The following XNDC1N variants were observed in gnomAD, a reference collection of about 807,000 sequenced individuals.
The protein encoded by XNDC1N is protein XNDC1N.
chr11:71,910,478 G>A, the XNDC1N span, among the ~76,000 whole-genome samples: 168 of 152,280 alleles, frequency 1.1e-3, no homozygotes, highest in Admixed American at 2.0e-3. Context: ...TCGGGGAGGC[G>A]TGGGCTCGAG....
chr11:71,919,642 G>C, the XNDC1N span, among the ~76,000 whole-genome samples: 1 of 126,626 alleles, frequency 7.9e-6, no homozygotes, highest in Non-Finnish European at 1.6e-5. Context: ...TTTTGAGACA[G>C]AGTCTCACTC....
the XNDC1N span, among the ~76,000 whole-genome samples, chr11:71,885,804 T>G: frequency 6.6e-6 from 1 of 151,962 alleles, no homozygotes; most frequent in East Asian, 1.9e-4. Context: ...TCTTAGGAGC[T>G]AATATTACTG....
chr11:71,921,922 G>A, the XNDC1N span, among the ~76,000 whole-genome samples: 2 of 152,256 alleles, frequency 1.3e-5, no homozygotes, highest in Admixed American at 6.5e-5. Flanking sequence ...AGCACTCTGG[G>A]AGACCAAGGC....
chr11:71,888,417 C>G, the XNDC1N span, among the ~76,000 whole-genome samples: 41 of 152,120 alleles, frequency 2.7e-4, no homozygotes, highest in African/African-American at 9.2e-4. Context: ...GGGCGGGGAC[C>G]GGGAAACTTT....
At chr11:71,889,169 C>T in the XNDC1N span, among the ~76,000 whole-genome samples, 24 of 152,226 alleles carry the variant, frequency 1.6e-4, no homozygotes, top group Non-Finnish European at 3.4e-4. Flanking sequence ...AACATTTACA[C>T]TGATTCTAGG....
the XNDC1N span, among the ~76,000 whole-genome samples, chr11:71,924,407 G>A: frequency 1.6e-4 from 24 of 152,076 alleles, no homozygotes; most frequent in Non-Finnish European, 2.5e-4. Context: ...GACCGGGCGC[G>A]GTGGCTTATG....
At chr11:71,899,114 G>A in the XNDC1N span, among the ~76,000 whole-genome samples, 1 of 152,108 alleles carries the variant, frequency 6.6e-6, no homozygotes, top group Admixed American at 6.5e-5. Context: ...TGGGGAACTT[G>A]GGTGACTTTG....
At chr11:71,884,477 T>C in the XNDC1N span, 1 of 1,610,486 alleles carries the variant, frequency 6.2e-7, no homozygotes, top group South Asian at 1.1e-5. Flanking sequence ...GCAATGCTGA[T>C]GAACATGCAA....
At chr11:71,909,655 G>T in the XNDC1N span, among the ~76,000 whole-genome samples, 1 of 152,164 alleles carries the variant, frequency 6.6e-6, no homozygotes, top group Non-Finnish European at 1.5e-5. Context: ...AACCGCCCTT[G>T]TTGCCCCCTT....
At chr11:71,883,673 T>C in the XNDC1N span, among the ~76,000 whole-genome samples, 1 of 151,230 alleles carries the variant, frequency 6.6e-6, no homozygotes, top group Non-Finnish European at 1.5e-5. Context: ...TTTCATGATG[T>C]TGGTCATGGC....
the XNDC1N span, among the ~76,000 whole-genome samples, chr11:71,879,778 A>T: frequency 6.6e-6 from 1 of 152,240 alleles, no homozygotes; most frequent in African/African-American, 2.4e-5. Flanking sequence ...GCAACCACTG[A>T]TCTAATTTTT....
At chr11:71,908,153 T>C in the XNDC1N span, among the ~76,000 whole-genome samples, 1 of 152,140 alleles carries the variant, frequency 6.6e-6, no homozygotes, top group East Asian at 1.9e-4. Flanking sequence ...TATGAATTAT[T>C]CCTCATTTAT....
chr11:71,896,776 C>G, the XNDC1N span, among the ~76,000 whole-genome samples: 1 of 152,336 alleles, frequency 6.6e-6, no homozygotes, highest in African/African-American at 2.4e-5. Flanking sequence ...GTCGGTCAGG[C>G]TGGTCTTCAA....
the XNDC1N span, among the ~76,000 whole-genome samples, chr11:71,914,609 C>G: frequency 6.6e-6 from 1 of 151,792 alleles, no homozygotes; most frequent in African/African-American, 2.4e-5. Context: ...ATTGCTTGAA[C>G]CCGGGAGGCA....
At chr11:71,883,770 T>C in the XNDC1N span, among the ~76,000 whole-genome samples, 11 of 152,344 alleles carry the variant, frequency 7.2e-5, no homozygotes, top group East Asian at 2.1e-3. Flanking sequence ...TTATGGGTTA[T>C]AGGCTCCTGT....
chr11:71,871,498 T>C, the XNDC1N span, among the ~76,000 whole-genome samples: 27,840 of 151,998 alleles, frequency 0.18, 4,190 homozygotes, highest in African/African-American at 0.44. Context: ...TTATACATTT[T>C]GAAATTGCCA....
At chr11:71,905,832 A>T in the XNDC1N span, among the ~76,000 whole-genome samples, 1 of 152,192 alleles carries the variant, frequency 6.6e-6, no homozygotes, top group East Asian at 1.9e-4. Flanking sequence ...TCTCCCTAAG[A>T]TATTACAAAT....
At chr11:71,895,044 G>GC in the XNDC1N span, among the ~76,000 whole-genome samples, 1 of 151,974 alleles carries the variant, frequency 6.6e-6, no homozygotes. Flanking sequence ...CACCTGGGGA[G>GC]TTAAAAATGA....
the XNDC1N span, chr11:71,928,486 C>T: frequency 2.4e-5 from 17 of 702,484 alleles, no homozygotes; most frequent in Admixed American, 2.6e-4. Flanking sequence ...CTTCCGTCTT[C>T]CGTAGCACAG....
Sources: allele counts gnomAD v4.1 joint callset (sites outside exome capture counted in the v4.1 genomes callset), GRCh38; gene constraint gnomAD v4.1.1; transcripts MANE v1.5; gene names NCBI Gene and HGNC (gene_info 2026-07-23, HGNC 2026-07-21).